Variants in ANKRD44 observed in about 807,000 individuals in gnomAD.
The protein encoded by ANKRD44 is ankyrin repeat domain 44, also known as serine/threonine-protein phosphatase 6 regulatory ankyrin repeat subunit B.
Under a neutral mutation model 116.0 loss-of-function variants are expected in ANKRD44, and 35 were observed. The ratio of observed to expected loss-of-function variants is 0.30; its 90% CI spans 0.23 to 0.40. The LOEUF is 0.40. Among genes scored for constraint, ANKRD44 ranks in the 10% least tolerant of loss-of-function variants. The probability of loss-of-function intolerance (pLI) is 1.00; values close to 1 mark genes in which losing one functional copy is unlikely to be tolerated. For missense variants in ANKRD44, 1,014 were observed against 1,242.6 expected (o/e 0.82, Z 2.77); for synonymous variants, 435 against 461.8 (o/e 0.94, Z 0.74).
chr2:196,989,582 T>A lies in ANKRD44; in HGVS notation c.*9A>T, dbSNP rs1559397123. On this transcript the variant is annotated 3_prime_UTR_variant, in exon 28 of 28. Transcript: ENST00000282272. ...TGTGCATGTGTATGTGCATAATTTT[T>A]AAAGAGTCTCATTCTTCTTTTTGTA... The A allele has an allele frequency of 6.5e-7, 1 of 1,549,836 alleles. No individual in the cohort carries two copies. Among genetic ancestry groups the A allele is most frequent in the South Asian group, 1.2e-5 (1 of 84,048 alleles).
chr2:197,189,974 G>C (rs2080783638), intron 1 of ANKRD44, among the ~76,000 whole-genome samples: 1 of 152,136 alleles, frequency 6.6e-6, no homozygotes, highest in Admixed American at 6.5e-5. Flanking sequence ...TTACCAAGGA[G>C]AGGCATCCCA....
intron 16 of ANKRD44, among the ~76,000 whole-genome samples, chr2:197,055,580 C>T (rs956910071): frequency 5.9e-5 from 9 of 152,168 alleles, no homozygotes; most frequent in African/African-American, 9.7e-5. Context: ...GTACCTTTCA[C>T]GTATAGATCT....
intron 12 of ANKRD44, among the ~76,000 whole-genome samples, chr2:197,088,236 G>T (rs541083456): frequency 7.2e-5 from 11 of 152,224 alleles, no homozygotes; most frequent in African/African-American, 2.6e-4. Flanking sequence ...TGTCTTTTGG[G>T]TTTTCTTGAC....
intron 12 of ANKRD44, 87 bp from the exon 13 acceptor site, chr2:197,086,835 G>T: frequency 8.1e-7 from 1 of 1,230,924 alleles, no homozygotes. Flanking sequence ...CAGAGTACAG[G>T]ACCAGATGAA....
chr2:197,057,397 A>T (rs1471660027), intron 16 of ANKRD44, among the ~76,000 whole-genome samples: 1 of 152,196 alleles, frequency 6.6e-6, no homozygotes, highest in Non-Finnish European at 1.5e-5. Context: ...TAGAATTGTC[A>T]GTACTTTTTC....
intron 17 of ANKRD44, chr2:197,015,465 T>C: frequency 2.0e-6 from 1 of 492,946 alleles, no homozygotes; most frequent in Non-Finnish European, 3.7e-6. Flanking sequence ...TTAATAGGCA[T>C]AACTTGGAAG....
chr2:197,248,134 G>A (rs999876779), intron 1 of ANKRD44, among the ~76,000 whole-genome samples: 3 of 152,340 alleles, frequency 2.0e-5, no homozygotes, highest in East Asian at 1.9e-4. Context: ...GGGACAGAGT[G>A]CAAAACGCAA....
intron 16 of ANKRD44, among the ~76,000 whole-genome samples, chr2:197,055,225 T>C (rs1429201907): frequency 2.0e-5 from 3 of 152,244 alleles, no homozygotes; most frequent in African/African-American, 4.8e-5. Context: ...TGTTTATAAA[T>C]ACTTGGACAT....
chr2:197,021,268 G>A (rs965896918), intron 17 of ANKRD44, among the ~76,000 whole-genome samples: 1 of 152,204 alleles, frequency 6.6e-6, no homozygotes, highest in African/African-American at 2.4e-5. Context: ...ACATGTGCAT[G>A]TGTCTTTCTA....
intron 1 of ANKRD44, among the ~76,000 whole-genome samples, chr2:197,220,085 A>G (rs2081548873): frequency 6.6e-6 from 1 of 152,252 alleles, no homozygotes; most frequent in Non-Finnish European, 1.5e-5. Context: ...TTTGAAAGTA[A>G]TCTAAAAAAC....
chr2:197,034,085 A>AGAGAGAGAGAGAGAGAGAGC, intron 16 of ANKRD44, among the ~76,000 whole-genome samples: 2 of 151,296 alleles, frequency 1.3e-5, no homozygotes, highest in African/African-American at 4.9e-5. Context: ...AGAGAGAGAG[A>AGAGAGAGAGAGAGAGAGAGC]GCTCATACTA....
chr2:197,145,848 C>T (rs1294982134), intron 3 of ANKRD44, among the ~76,000 whole-genome samples: 9 of 152,124 alleles, frequency 5.9e-5, no homozygotes, highest in Admixed American at 5.9e-4. Flanking sequence ...CAAACAAAGG[C>T]GAAAACTTAC....
chr2:197,037,905 G>A (rs2076836862), intron 16 of ANKRD44, among the ~76,000 whole-genome samples: 1 of 152,088 alleles, frequency 6.6e-6, no homozygotes, highest in Non-Finnish European at 1.5e-5. Context: ...TCACACCACT[G>A]TACTCCAGCC....
chr2:197,224,571 T>G (rs2081658123), intron 1 of ANKRD44, among the ~76,000 whole-genome samples: 2 of 152,234 alleles, frequency 1.3e-5, no homozygotes, highest in African/African-American at 4.8e-5. Flanking sequence ...TTTTGTATAT[T>G]TAAATTTCTA....
intron 8 of ANKRD44, among the ~76,000 whole-genome samples, chr2:197,117,734 G>C (rs1337922194): frequency 1.3e-5 from 2 of 151,970 alleles, no homozygotes; most frequent in Non-Finnish European, 2.9e-5. Context: ...ACCAAGTCTT[G>C]CTGATTTTCT....
intron 10 of ANKRD44, among the ~76,000 whole-genome samples, chr2:197,091,130 T>G (rs1396313129): frequency 3.3e-5 from 5 of 152,240 alleles, no homozygotes; most frequent in African/African-American, 4.8e-5. Flanking sequence ...TGTTAACATT[T>G]AAGCCAACCG....
intron 16 of ANKRD44, among the ~76,000 whole-genome samples, chr2:197,070,713 T>C (rs905969432): frequency 6.6e-6 from 1 of 152,128 alleles, no homozygotes; most frequent in African/African-American, 2.4e-5. Flanking sequence ...TCTGTGTGTG[T>C]GTGTGTGTCT....
intron 9 of ANKRD44, 62 bp from the exon 10 acceptor site, chr2:197,099,992 C>A: frequency 7.1e-7 from 1 of 1,412,124 alleles, no homozygotes. Context: ...GTCCTATGTT[C>A]TCTGCTAGTC....
chr2:197,090,152 C>T, intron 10 of ANKRD44, 120 bp from the exon 11 acceptor site: 3 of 699,308 alleles, frequency 4.3e-6, no homozygotes, highest in Non-Finnish European at 7.3e-6. Flanking sequence ...GGAGTCTTGG[C>T]TGAAATAATT....
Sources: gnomAD v4.1 joint callset for allele counts (sites outside exome capture counted in the v4.1 genomes callset) on GRCh38, gnomAD v4.1.1 for gene constraint, MANE v1.5 for transcripts, NCBI Gene and HGNC (gene_info 2026-07-23, HGNC 2026-07-21) for gene names.